DOCK1: variants seen among roughly 807,000 people sequenced by gnomAD.
The protein encoded by DOCK1 is dedicator of cytokinesis protein 1.
Under a neutral mutation model 262.7 loss-of-function variants are expected in DOCK1, and 138 were observed. That is an observed-to-expected ratio of 0.53 (90% confidence interval 0.46 to 0.61). DOCK1 has a LOEUF of 0.61. DOCK1 is among the 20% of genes least tolerant of loss of function. DOCK1 has a pLI of 0.00. For missense variants in DOCK1, 1,908 were observed against 2,370.7 expected (o/e 0.80, Z 4.05); for synonymous variants, 866 against 867.4 (o/e 1.00, Z 0.03).
intron 23 of DOCK1, among the ~76,000 whole-genome samples, chr10:127,104,038 T>C (rs565862970): frequency 3.9e-5 from 6 of 152,348 alleles, no homozygotes; most frequent in South Asian, 4.1e-4. Context: ...CTGAGTGTCT[T>C]TTCAAGTACT....
intron 27 of DOCK1, chr10:127,137,238 G>A (rs1378817065): frequency 6.6e-6 from 1 of 152,580 alleles, no homozygotes; most frequent in Admixed American, 6.5e-5. Flanking sequence ...CTGAGATGTG[G>A]TCACTTGGCT....
chr10:126,914,607 T>C (rs2032248451), intron 1 of DOCK1, among the ~76,000 whole-genome samples: 1 of 152,142 alleles, frequency 6.6e-6, no homozygotes, highest in Admixed American at 6.5e-5. Context: ...TATGTTGCCC[T>C]GGTCTCAAAC....
chr10:127,344,152 C>T lies in DOCK1; in HGVS notation c.3224+406C>T, dbSNP rs185345480. On this transcript the variant is annotated intron_variant, in intron 31 of 51. Coordinates refer to ENST00000623213, the MANE Select transcript of DOCK1 (RefSeq NM_001290223.2). ...CAGCTCACTGGGGAGTTAGAGCTAT[C>T]GGGGTTCCTTCTTGGCAGCAGATAA... The T allele has an allele frequency of 3.2e-3, 511 of 160,980 alleles. 6 individuals carry two copies. Among genetic ancestry groups the T allele is most frequent in the African/African-American group, 0.012 (490 of 41,820 alleles). The allele number at this position is 160,980 out of a possible 1,614,324, so 10.0% of individuals were successfully genotyped here.
intron 1 of DOCK1, among the ~76,000 whole-genome samples, chr10:126,940,944 G>A (rs1001094293): frequency 3.9e-5 from 6 of 152,064 alleles, no homozygotes; most frequent in Admixed American, 2.6e-4. Context: ...ATGATTCTTC[G>A]GAGGATGATT....
intron 27 of DOCK1, among the ~76,000 whole-genome samples, chr10:127,228,402 C>G (rs2058718917): frequency 6.6e-6 from 1 of 152,144 alleles, no homozygotes; most frequent in Non-Finnish European, 1.5e-5. Context: ...GGGTGGTGAC[C>G]AGCAGAGAGC....
chr10:127,142,015 G>T (rs1444788449), intron 27 of DOCK1, among the ~76,000 whole-genome samples: 1 of 152,230 alleles, frequency 6.6e-6, no homozygotes, highest in African/African-American at 2.4e-5. Flanking sequence ...AATGGGTGGG[G>T]CCAGCAGGGT....
At chr10:127,213,589 C>T (rs1564908339) in intron 27 of DOCK1, among the ~76,000 whole-genome samples, 1 of 152,266 alleles carries the variant, frequency 6.6e-6, no homozygotes, top group African/African-American at 2.4e-5. Flanking sequence ...CTTTCAGAAA[C>T]GTGAATACAT....
Position 126,977,997 on chromosome 10 carries a change from T to G in DOCK1, c.171+9T>G. The stretch of plus-strand genomic sequence containing the variant: ...GAAAAAAGTCTAAGAAGGTAAGTCC[T>G]TCTTCTTAAACACAGTGCATGTCTC... On this transcript the variant is annotated intron_variant, in intron 3 of 51. Transcript: ENST00000623213. 1 of 1,613,416 alleles carries G rather than the reference T, an allele frequency of 6.2e-7. No homozygotes were observed. The highest frequency in any genetic ancestry group is 8.5e-7 in the Non-Finnish European group (1 of 1,179,418).
intron 38 of DOCK1, among the ~76,000 whole-genome samples, chr10:127,392,566 T>C (rs117388489): frequency 0.041 from 6,207 of 152,266 alleles, 183 homozygotes; most frequent in Middle Eastern, 0.075. Context: ...GGTCATTTGT[T>C]AGTGAGTTGA....
At chr10:127,148,294 G>C (rs558223358) in intron 27 of DOCK1, among the ~76,000 whole-genome samples, 2 of 152,178 alleles carry the variant, frequency 1.3e-5, no homozygotes, top group Non-Finnish European at 2.9e-5. Flanking sequence ...CAGACACAGC[G>C]TGCTCCGGGA....
chr10:127,313,158 C>A (rs1264688438), intron 29 of DOCK1, among the ~76,000 whole-genome samples: 1 of 152,146 alleles, frequency 6.6e-6, no homozygotes. Context: ...ATGAAGTCTT[C>A]CCACCTGGAT....
At chr10:127,291,102 C>T (rs191255820) in intron 29 of DOCK1, among the ~76,000 whole-genome samples, 2 of 152,288 alleles carry the variant, frequency 1.3e-5, no homozygotes, top group African/African-American at 2.4e-5. Context: ...AGTCTGTGTA[C>T]TCTGGCTTAG....
intron 27 of DOCK1, chr10:127,146,078 T>C (rs1191452362): frequency 3.9e-6 from 2 of 514,520 alleles, no homozygotes; most frequent in Admixed American, 4.0e-5. Context: ...GTCCCGTATT[T>C]ACCCCCAGAA....
At chr10:127,016,849 G>T (rs1309878178) in intron 12 of DOCK1, among the ~76,000 whole-genome samples, 8 of 88,546 alleles carry the variant, frequency 9.0e-5, no homozygotes, top group Non-Finnish European at 1.8e-4. Flanking sequence ...CACACACACA[G>T]ATACCATAAA....
chr10:127,387,478 T>C (rs2066193707), intron 38 of DOCK1, among the ~76,000 whole-genome samples: 1 of 152,206 alleles, frequency 6.6e-6, no homozygotes, highest in Non-Finnish European at 1.5e-5. Flanking sequence ...AATGTCTCCC[T>C]GCAGTGCCCT....
chr10:127,052,550 T>G, intron 21 of DOCK1, 131 bp from the exon 22 acceptor site: 1 of 1,330,664 alleles, frequency 7.5e-7, no homozygotes, highest in Non-Finnish European at 1.0e-6. Context: ...AGAGAAAACG[T>G]TTTACAGATA....
intron 29 of DOCK1, among the ~76,000 whole-genome samples, chr10:127,321,070 C>T (rs1183316026): frequency 6.6e-6 from 1 of 152,098 alleles, no homozygotes; most frequent in East Asian, 1.9e-4. Flanking sequence ...CCCACATTAC[C>T]GCCCTCCCCA....
At chr10:127,004,549 C>T (rs2040847392) in intron 10 of DOCK1, among the ~76,000 whole-genome samples, 1 of 151,926 alleles carries the variant, frequency 6.6e-6, no homozygotes, top group South Asian at 2.1e-4. Context: ...GCATTCAAGA[C>T]CAGCCTGACA....
At chr10:127,222,501 A>C (rs1188576893) in intron 27 of DOCK1, among the ~76,000 whole-genome samples, 1 of 152,224 alleles carries the variant, frequency 6.6e-6, no homozygotes, top group Non-Finnish European at 1.5e-5. Context: ...GAATCAGAGT[A>C]TATCAAATTG....
Sources: allele counts gnomAD v4.1 joint callset (sites outside exome capture counted in the v4.1 genomes callset), GRCh38; gene constraint gnomAD v4.1.1; transcripts MANE v1.5; gene names NCBI Gene and HGNC (gene_info 2026-07-23, HGNC 2026-07-21).